Variants in SCHIP1 observed in about 807,000 individuals in gnomAD.
The protein encoded by SCHIP1 is schwannomin interacting protein 1, also known as schwannomin-interacting protein 1.
In SCHIP1, 8 loss-of-function variants were observed where a neutral mutation model predicts 29.7. That is an observed-to-expected ratio of 0.27 (90% CI 0.16 to 0.49). The LOEUF (loss-of-function observed/expected upper bound fraction) is 0.49, where lower values mean the gene tolerates loss of function less well. Among genes scored for constraint, SCHIP1 ranks in the 20% least tolerant of loss-of-function variants. SCHIP1 has a pLI of 0.99. For synonymous variants in SCHIP1, 76 were observed against 94.9 expected (o/e 0.80, Z 1.16); for missense variants, 193 against 294.6 (o/e 0.66, Z 2.52).
chr3:159,482,511 T>C, the SCHIP1 span, among the ~76,000 whole-genome samples: 46 of 152,276 alleles, frequency 3.0e-4, 1 homozygote, highest in Non-Finnish European at 4.9e-4. Context: ...TCTTATTGAG[T>C]ACCCTGATCT....
chr3:159,521,198 G>C, the SCHIP1 span, among the ~76,000 whole-genome samples: 2 of 152,158 alleles, frequency 1.3e-5, no homozygotes, highest in African/African-American at 4.8e-5. Context: ...CCTTGGACAT[G>C]TATAGTCAGC....
chr3:159,649,467 G>A, the SCHIP1 span, among the ~76,000 whole-genome samples: 27 of 152,098 alleles, frequency 1.8e-4, no homozygotes, highest in Middle Eastern at 6.8e-3. Flanking sequence ...TAAAAACAGC[G>A]AAAGAACCAA....
the SCHIP1 span, among the ~76,000 whole-genome samples, chr3:159,525,002 C>T: frequency 2.6e-5 from 4 of 152,148 alleles, no homozygotes; most frequent in Non-Finnish European, 5.9e-5. Flanking sequence ...ATACCAGAAA[C>T]CTTCCCACCT....
the SCHIP1 span, among the ~76,000 whole-genome samples, chr3:159,429,656 G>A: frequency 5.5e-4 from 83 of 152,060 alleles, no homozygotes; most frequent in Non-Finnish European, 8.8e-4. Context: ...TGAAGCAGGT[G>A]GCATCCCCAT....
chr3:159,465,901 T>C, the SCHIP1 span, among the ~76,000 whole-genome samples: 1 of 152,170 alleles, frequency 6.6e-6, no homozygotes, highest in Admixed American at 6.6e-5. Context: ...TTAAGCATTA[T>C]TGACTTAAAT....
the SCHIP1 span, among the ~76,000 whole-genome samples, chr3:159,581,657 T>G: frequency 6.6e-6 from 1 of 152,042 alleles, no homozygotes; most frequent in Non-Finnish European, 1.5e-5. Context: ...AAAATTTATA[T>G]GGAAAGGGAA....
At chr3:159,405,702 C>T in the SCHIP1 span, among the ~76,000 whole-genome samples, 1 of 151,770 alleles carries the variant, frequency 6.6e-6, no homozygotes, top group Non-Finnish European at 1.5e-5. Context: ...CATAGTGAAA[C>T]CCTGTCTCTA....
chr3:159,421,890 A>G, the SCHIP1 span, among the ~76,000 whole-genome samples: 1 of 152,194 alleles, frequency 6.6e-6, no homozygotes, highest in Non-Finnish European at 1.5e-5. Flanking sequence ...CCTCAAGAAC[A>G]CAATTAAGTC....
the SCHIP1 span, among the ~76,000 whole-genome samples, chr3:159,731,252 T>TC: frequency 1.3e-5 from 2 of 152,250 alleles, no homozygotes; most frequent in African/African-American, 4.8e-5. Flanking sequence ...TAGGCTCTAC[T>TC]CTCTTCTTAG....
At chr3:159,368,186 C>A in the SCHIP1 span, among the ~76,000 whole-genome samples, 2 of 152,168 alleles carry the variant, frequency 1.3e-5, no homozygotes, top group African/African-American at 4.8e-5. Flanking sequence ...TTGCCATATT[C>A]TCTGTATCCT....
the SCHIP1 span, among the ~76,000 whole-genome samples, chr3:159,416,279 A>C: frequency 6.6e-6 from 1 of 152,036 alleles, no homozygotes; most frequent in Non-Finnish European, 1.5e-5. Context: ...CTGACTACGC[A>C]TCTTAGGTCC....
At chr3:159,714,308 C>G in the SCHIP1 span, among the ~76,000 whole-genome samples, 1 of 152,110 alleles carries the variant, frequency 6.6e-6, no homozygotes, top group Admixed American at 6.5e-5. Flanking sequence ...TCTACAACTC[C>G]CAGCATGAGC....
At chr3:159,858,587 CAGTT>C (rs1340823748) in intron 1 of SCHIP1, among the ~76,000 whole-genome samples, 2 of 152,198 alleles carry the variant, frequency 1.3e-5, no homozygotes, top group African/African-American at 2.4e-5. Context: ...ACCATCCTCA[CAGTT>C]AGTTATTATA....
chr3:159,815,675 T>C, the SCHIP1 span, among the ~76,000 whole-genome samples: 1 of 152,172 alleles, frequency 6.6e-6, no homozygotes, highest in African/African-American at 2.4e-5. Context: ...TCAAGTGCAG[T>C]GTGTTCAAAA....
At chr3:159,662,285 T>C in the SCHIP1 span, among the ~76,000 whole-genome samples, 1 of 152,216 alleles carries the variant, frequency 6.6e-6, no homozygotes, top group South Asian at 2.1e-4. Context: ...TCCCCTCCCT[T>C]GTTCAGGTGG....
chr3:159,326,472 ACTGAATTATCT>A, the SCHIP1 span, among the ~76,000 whole-genome samples: 210 of 152,234 alleles, frequency 1.4e-3, no homozygotes, highest in African/African-American at 4.7e-3. Context: ...TATGTGATAG[ACTGAATTATCT>A]CTTTTTGCAT....
chr3:159,808,340 G>A, the SCHIP1 span: 1 of 152,084 alleles, frequency 6.6e-6, no homozygotes, highest in Non-Finnish European at 1.5e-5. Flanking sequence ...CTTACTAACA[G>A]AACCCTAATT....
chr3:159,578,429 C>G, the SCHIP1 span, among the ~76,000 whole-genome samples: 1 of 152,150 alleles, frequency 6.6e-6, no homozygotes, highest in African/African-American at 2.4e-5. Context: ...TCACTTTATA[C>G]TTTAGTGTGT....
the SCHIP1 span, among the ~76,000 whole-genome samples, chr3:159,360,196 G>T: frequency 2.6e-5 from 4 of 152,138 alleles, no homozygotes; most frequent in African/African-American, 9.7e-5. Context: ...AAATTTATGA[G>T]CATGTAGTCT....
Sources: gnomAD v4.1 joint callset for allele counts (sites outside exome capture counted in the v4.1 genomes callset) on GRCh38, gnomAD v4.1.1 for gene constraint, MANE v1.5 for transcripts, NCBI Gene and HGNC (gene_info 2026-07-23, HGNC 2026-07-21) for gene names.